Variants in USP4 observed in about 807,000 individuals in gnomAD.
USP4 encodes the protein ubiquitin specific peptidase 4.
In USP4, 72 loss-of-function variants were observed where a neutral mutation model predicts 118.2. The ratio of observed to expected loss-of-function variants is 0.61; its 90% CI spans 0.50 to 0.74. The LOEUF (loss-of-function observed/expected upper bound fraction) is 0.74, where lower values mean the gene tolerates loss of function less well. USP4 is among the 30% of genes least tolerant of loss of function. The pLI, the probability that USP4 is intolerant of heterozygous loss-of-function variation, is 0.00. For synonymous variants in USP4, 415 were observed against 440.4 expected (o/e 0.94, Z 0.72); for missense variants, 1,037 against 1,185.7 (o/e 0.87, Z 1.84).
intron 2 of USP4, among the ~76,000 whole-genome samples, chr3:49,335,000 T>A (rs888642394): frequency 8.5e-5 from 13 of 152,152 alleles, no homozygotes; most frequent in Non-Finnish European, 1.6e-4. Context: ...CTGACTACAG[T>A]CATAACTCTG....
At chr3:49,285,536 C>T (rs1201243540) in intron 16 of USP4, among the ~76,000 whole-genome samples, 1 of 152,108 alleles carries the variant, frequency 6.6e-6, no homozygotes, top group Non-Finnish European at 1.5e-5. Flanking sequence ...GTCTCAGCTA[C>T]TCAGGAGGGT....
chr3:49,305,805 C>T lies in USP4; in HGVS notation c.1038G>A (p.Gly346=), dbSNP rs1221733339. 1 of 1,614,128 alleles carries T rather than the reference C, an allele frequency of 6.2e-7. No homozygotes were observed. The highest frequency in any genetic ancestry group is 8.5e-7 in the Non-Finnish European group (1 of 1,180,000). ...EAEINRDNPL[G]MKGEIAEAYA... ...AGGCTTCTGCAATTTCCCCTTTCAT[C>T]CCCAGAGGGTTGTCTCTGTTGATTT... Residue 346 remains glycine, a synonymous_variant, in exon 9 of 22, where the codon GGG becomes GGA. Coordinates refer to ENST00000265560, the MANE Select transcript of USP4 (RefSeq NM_003363.4).
intron 19 of USP4, among the ~76,000 whole-genome samples, chr3:49,283,380 TTG>T: frequency 6.6e-6 from 1 of 151,932 alleles, no homozygotes; most frequent in East Asian, 1.9e-4. Context: ...CAGGCTGGTT[TTG>T]AACTCCTAGG....
intron 9 of USP4, 49 bp from the exon 10 acceptor site, chr3:49,302,591 T>C: frequency 6.4e-7 from 1 of 1,565,776 alleles, no homozygotes; most frequent in Non-Finnish European, 8.6e-7. Context: ...AAAGAACTAG[T>C]TAAATCAAAA....
chr3:49,311,533 T>G lies in USP4; in HGVS notation c.817A>C (p.Ser273Arg). ...TCTTACCCCCTGCTGACACCGGAACTGTGCATCCCACAGGTGCTAGTGCTA... is the reference window on the plus strand; with the variant it reads ...TCTTACCCCCTGCTGACACCGGAACGGTGCATCCCACAGGTGCTAGTGCTA... ...GDSTSTCGMH[S>R]SGVSRGGSGF... is the part of the protein sequence containing the mutation. The change falls in exon 7 of 22, where the codon AGT (serine) becomes CGT (arginine). Residue 273 changes from serine (S) to arginine (R), a missense_variant. Ser to Arg is a moderately radical substitution (Grantham distance 110). Around this residue, in one of 3 missense-constraint regions of USP4, gnomAD observed 487 missense variants for 534.1 expected, o/e 0.91. Coordinates refer to ENST00000265560, the MANE Select transcript of USP4 (RefSeq NM_003363.4). The G allele has an allele frequency of 6.2e-7, 1 of 1,613,774 alleles. No homozygotes were observed. The highest frequency in any genetic ancestry group is 8.5e-7 in the Non-Finnish European group (1 of 1,179,756).
At chr3:49,285,009 G>T (rs2047078451) in intron 16 of USP4, 90 bp from the exon 17 acceptor site, 3 of 958,552 alleles carry the variant, frequency 3.1e-6, no homozygotes, top group Admixed American at 2.0e-5. Flanking sequence ...CCACACTCAG[G>T]CCACACCATC....
chr3:49,339,503 ACTT>A (rs2047712305), intron 1 of USP4, among the ~76,000 whole-genome samples: 1 of 152,206 alleles, frequency 6.6e-6, no homozygotes, highest in South Asian at 2.1e-4. Context: ...CAAAGTATCT[ACTT>A]CTGATTTTCC....
intron 4 of USP4, among the ~76,000 whole-genome samples, chr3:49,325,485 A>G (rs936091842): frequency 6.6e-6 from 1 of 152,078 alleles, no homozygotes. Flanking sequence ...CTTTGGATCT[A>G]CATTTCCTTA....
intron 8 of USP4, among the ~76,000 whole-genome samples, chr3:49,309,033 CA>C (rs35731425): frequency 3.1e-3 from 217 of 69,626 alleles, no homozygotes; most frequent in Middle Eastern, 9.1e-3. Flanking sequence ...GATGCTGTCT[CA>C]AAAAAAAAAA....
intron 2 of USP4, among the ~76,000 whole-genome samples, chr3:49,333,052 C>CAA (rs899761586): frequency 1.9e-5 from 2 of 104,506 alleles, no homozygotes; most frequent in African/African-American, 3.6e-5. Flanking sequence ...CACCTTGTCT[C>CAA]AAAAAAAAAA....
rs773669515 is a variant in USP4, at chr3:49,309,943, C to CTTT, written c.954+674_954+676dup. On this transcript the variant is annotated intron_variant, in intron 8 of 21. Transcript: ENST00000265560. ...TGCTGCCCCCGGACTTTTTTTTAAT[C>CTTT]TTTTTTTTTTTTTTTTTTTTTTTGA... 7.2e-4 allele frequency among the ~76,000 whole-genome samples: 29 copies of CTTT among 40,228 alleles called. 7 individuals are homozygous for CTTT. The highest frequency in any genetic ancestry group is 2.5e-3 in the African/African-American group (22 of 8,718). 26.4% of individuals were successfully genotyped at this position (40,228 alleles called of 152,430 possible).
At chr3:49,337,937 T>A (rs2047687235) in intron 1 of USP4, among the ~76,000 whole-genome samples, 1 of 148,502 alleles carries the variant, frequency 6.7e-6, no homozygotes, top group Non-Finnish European at 1.5e-5. Flanking sequence ...TCCCAGCTAC[T>A]CGGGAGGCTG....
chr3:49,281,525 CACACACATATAT>C lies in USP4; in HGVS notation c.2541-690_2541-679del, dbSNP rs1208873530. ...ACACACACACACACACACACACACA[CACACACATATAT>C]ACATTTATATATACACACACACACA... On this transcript the variant is annotated intron_variant, in intron 19 of 21. Transcript: ENST00000265560. Among the ~76,000 whole-genome samples, 371 of 149,026 alleles carry C rather than the reference CACACACATATAT, an allele frequency of 2.5e-3. 3 individuals are homozygous for C. Among genetic ancestry groups the C allele is most frequent in the African/African-American group, 8.7e-3 (346 of 39,836 alleles).
At chr3:49,278,589 C>A (rs779221219) in intron 21 of USP4, 138 bp from the exon 22 acceptor site, 20 of 1,088,606 alleles carry the variant, frequency 1.8e-5, no homozygotes, top group Non-Finnish European at 2.6e-5. Flanking sequence ...AGGATGGCTG[C>A]CCCTGCCAGG....
chr3:49,316,218 A>T (rs1046549800), intron 6 of USP4, among the ~76,000 whole-genome samples: 1 of 152,146 alleles, frequency 6.6e-6, no homozygotes, highest in Non-Finnish European at 1.5e-5. Context: ...AATAAAATAA[A>T]GACTGACCTC....
chr3:49,325,862 G>A lies in USP4; in HGVS notation c.361-17C>T, dbSNP rs749224055. The A allele has an allele frequency of 1.1e-5, 18 of 1,612,744 alleles. No homozygotes were observed. The Middle Eastern group carries it at 5.0e-4, about 44-fold the overall frequency. On this transcript the variant is annotated splice_polypyrimidine_tract_variant and intron_variant, in intron 3 of 21. Coordinates refer to ENST00000265560, the MANE Select transcript of USP4 (RefSeq NM_003363.4). ...CTCCACAACCTATGAACAAGAGGCAGGGGTGAGGGCATAGCGGTTTTGCAG... is the reference window on the plus strand; with the variant it reads ...CTCCACAACCTATGAACAAGAGGCAAGGGTGAGGGCATAGCGGTTTTGCAG...
chr3:49,309,873 C>T (rs1394226232), intron 8 of USP4, among the ~76,000 whole-genome samples: 4 of 150,000 alleles, frequency 2.7e-5, no homozygotes, highest in East Asian at 1.9e-4. Context: ...GTTATCCACC[C>T]GCCTTAGCCT....
At chr3:49,285,974 C>G (rs913824669) in intron 16 of USP4, 124 bp downstream of exon 16, 20 of 888,630 alleles carry the variant, frequency 2.3e-5, no homozygotes, top group Non-Finnish European at 3.5e-5. Flanking sequence ...AAGGGTCATA[C>G]AAGTGCTGCT....
intron 6 of USP4, among the ~76,000 whole-genome samples, chr3:49,321,582 C>T (rs2047502104): frequency 1.3e-5 from 2 of 152,122 alleles, no homozygotes; most frequent in South Asian, 4.1e-4. Context: ...ATTCTCATGC[C>T]TCAGCCTCCC....
Sources: gnomAD v4.1 joint callset for allele counts (sites outside exome capture counted in the v4.1 genomes callset) on GRCh38, gnomAD v4.1.1 for gene constraint, gnomAD v4.1.1 regional missense constraint, MANE v1.5 for transcripts, NCBI Gene and HGNC (gene_info 2026-07-23, HGNC 2026-07-21) for gene names.